SGCE: variants seen among roughly 807,000 people sequenced by gnomAD.
SGCE encodes sarcoglycan epsilon.
In SGCE, 26 loss-of-function variants were observed where a neutral mutation model predicts 57.8. The observed-to-expected ratio is 0.45, with a 90% CI of 0.33 to 0.62. The LOEUF is 0.62. Ranked by LOEUF, SGCE falls within the 20% of genes least tolerant of loss-of-function variation. The pLI, the probability that SGCE is intolerant of heterozygous loss-of-function variation, is 0.02. For missense variants in SGCE, 468 were observed against 548.6 expected (o/e 0.85, Z 1.47); for synonymous variants, 183 against 189.5 (o/e 0.97, Z 0.28).
chr7:94,648,304 G>A (rs952016864), intron 1 of SGCE, among the ~76,000 whole-genome samples: 4 of 147,742 alleles, frequency 2.7e-5, no homozygotes, highest in Non-Finnish European at 4.4e-5. Flanking sequence ...GAACCCGGGA[G>A]GCGGAGGTTG....
chr7:94,634,717 CTT>C (rs1362729868), intron 1 of SGCE, among the ~76,000 whole-genome samples: 1 of 152,162 alleles, frequency 6.6e-6, no homozygotes, highest in East Asian at 1.9e-4. Flanking sequence ...CCGAAAGACT[CTT>C]TTGTGGCGTA....
At chr7:94,588,094 T>C in intron 10 of SGCE, 2 of 1,209,416 alleles carry the variant, frequency 1.7e-6, no homozygotes, top group Admixed American at 4.2e-5. Context: ...AGTATAGAGA[T>C]GAATGAAATA....
chr7:94,613,989 A>T (rs965580268), intron 5 of SGCE, among the ~76,000 whole-genome samples: 2 of 152,004 alleles, frequency 1.3e-5, no homozygotes, highest in African/African-American at 4.8e-5. Context: ...AATAAAATAA[A>T]CAAGTGAAAA....
intron 1 of SGCE, among the ~76,000 whole-genome samples, chr7:94,644,202 C>T (rs555399178): frequency 6.4e-4 from 98 of 152,360 alleles, no homozygotes; most frequent in African/African-American, 2.3e-3. Context: ...ATTTAATCAT[C>T]TTTTCAATGT....
chr7:94,589,047 G>A, intron 9 of SGCE: 1 of 376,492 alleles, frequency 2.7e-6, no homozygotes, highest in Non-Finnish European at 5.0e-6. Flanking sequence ...GGAGATCCAG[G>A]GCCACATAGC....
rs188825655 is a variant in SGCE at position 94,611,295 on chromosome 7, T to C, written c.662+7463A>G. Reference sequence around the variant, plus strand: ...AACAAAAGATGGCATATCCATAAAATAGAATATTATTCCATGATTAAAAAT... The same window carrying C: ...AACAAAAGATGGCATATCCATAAAACAGAATATTATTCCATGATTAAAAAT... On this transcript the variant is annotated intron_variant, in intron 5 of 10. Coordinates refer to ENST00000648936, the MANE Select transcript of SGCE (RefSeq NM_003919.3). Among the ~76,000 whole-genome samples, 69 of 152,280 alleles carry C rather than the reference T, an allele frequency of 4.5e-4. 1 individual carries two copies. In the East Asian group the frequency reaches 4.8e-3, roughly 11 times the overall value.
At chr7:94,607,595 T>G (rs1800353008) in intron 5 of SGCE, among the ~76,000 whole-genome samples, 1 of 151,904 alleles carries the variant, frequency 6.6e-6, no homozygotes, top group Non-Finnish European at 1.5e-5. Context: ...CAAAATCCAA[T>G]GGCAATTTGT....
chr7:94,622,761 C>A (rs1398444720), intron 4 of SGCE: 1 of 152,056 alleles, frequency 6.6e-6, no homozygotes, highest in Non-Finnish European at 1.5e-5. Context: ...AAATCACTTA[C>A]AATTTGAGCA....
rs530294438 is a variant in SGCE at position 94,651,667 on chromosome 7, A to C, written c.109+4323T>G. Reference sequence around the variant, plus strand: ...GTACACAGAACAAAGACTAGAAGGGATACAACATCAATGGAAATGGTTGTT... The same window carrying C: ...GTACACAGAACAAAGACTAGAAGGGCTACAACATCAATGGAAATGGTTGTT... On this transcript the variant is annotated intron_variant, in intron 1 of 10. Coordinates refer to ENST00000648936, the MANE Select transcript of SGCE (RefSeq NM_003919.3). Among the ~76,000 whole-genome samples, 5 of 152,364 alleles carry C rather than the reference A, an allele frequency of 3.3e-5. No individual in the cohort carries two copies. In the South Asian group the frequency reaches 1.0e-3, roughly 32 times the overall value.
intron 9 of SGCE, among the ~76,000 whole-genome samples, chr7:94,595,692 G>C (rs2116639641): frequency 6.6e-6 from 1 of 152,144 alleles, no homozygotes; most frequent in Non-Finnish European, 1.5e-5. Flanking sequence ...TTAAAACATA[G>C]CTGTTTTTCT....
Position 94,603,281 on chromosome 7 carries a change from A to G in SGCE, c.825+9T>C. 1 of 1,608,616 alleles carries G rather than the reference A, an allele frequency of 6.2e-7. No homozygotes were observed. The highest frequency in any genetic ancestry group is 2.2e-5 in the East Asian group (1 of 44,726). On this transcript the variant is annotated intron_variant, in intron 6 of 10. Transcript: ENST00000648936. Reference sequence around the variant, plus strand: ...TAACTAAACTTGCAAAAACAAAATAAAAACTTACCAATGAAATTTTGCACC... The same window carrying G: ...TAACTAAACTTGCAAAAACAAAATAGAAACTTACCAATGAAATTTTGCACC...
intron 10 of SGCE, chr7:94,586,995 A>T (rs1162844377): frequency 1.0e-6 from 1 of 984,212 alleles, no homozygotes; most frequent in African/African-American, 1.7e-5. Flanking sequence ...TTGCAGAAAA[A>T]TGTAAGAAAA....
At position 94,585,405 on chromosome 7, in the gene SGCE, GA is replaced by G; in HGVS notation, c.*93del. 8.9e-7 allele frequency: 1 copy of G among 1,119,744 alleles called. No homozygotes were observed. The allele number at this position is 1,119,744 out of a possible 1,614,324, so 69.4% of individuals were successfully genotyped here. A position where few individuals can be genotyped will look rare whatever the true frequency, so the allele number is the denominator to read the frequency against. The stretch of plus-strand genomic sequence containing the variant: ...CTGCCAACATGCATAACATATGCCA[GA>G]AAAGCTCATGCATTATTGGAAGAGA... On this transcript the variant is annotated 3_prime_UTR_variant, in exon 11 of 11. Coordinates refer to ENST00000648936, the MANE Select transcript of SGCE (RefSeq NM_003919.3).
intron 5 of SGCE, among the ~76,000 whole-genome samples, chr7:94,610,546 A>G (rs1271225436): frequency 6.6e-6 from 1 of 152,206 alleles, no homozygotes; most frequent in Non-Finnish European, 1.5e-5. Context: ...TAAGAGCTAA[A>G]ACTATTAAAC....
chr7:94,591,879 T>C (rs1006009364), intron 9 of SGCE, among the ~76,000 whole-genome samples: 7 of 152,186 alleles, frequency 4.6e-5, no homozygotes, highest in Admixed American at 1.3e-4. Context: ...GTGTCTTATA[T>C]TGATTTAGAG....
At chr7:94,589,460 C>G (rs570136578) in intron 9 of SGCE, 1 of 152,680 alleles carries the variant, frequency 6.5e-6, no homozygotes, top group African/African-American at 2.4e-5. Flanking sequence ...ATAATCCACT[C>G]TGCACATTGC....
intron 6 of SGCE, among the ~76,000 whole-genome samples, chr7:94,602,669 AAT>A (rs1425806409): frequency 6.6e-6 from 1 of 152,114 alleles, no homozygotes; most frequent in Non-Finnish European, 1.5e-5. Context: ...TATAATATAA[AAT>A]ATGCAAACAT....
At chr7:94,630,776 G>T (rs1268670245) in intron 1 of SGCE, among the ~76,000 whole-genome samples, 4 of 151,804 alleles carry the variant, frequency 2.6e-5, no homozygotes, top group Non-Finnish European at 4.4e-5. Context: ...ACCCTATCAG[G>T]CCAGTTCTTT....
intron 3 of SGCE, chr7:94,626,555 T>A (rs553454906): frequency 1.3e-5 from 2 of 152,178 alleles, no homozygotes; most frequent in East Asian, 3.9e-4. Flanking sequence ...TGTAGAAATA[T>A]AACAGTAATT....
Sources: gnomAD v4.1 joint callset for allele counts (sites outside exome capture counted in the v4.1 genomes callset) on GRCh38, gnomAD v4.1.1 for gene constraint, MANE v1.5 for transcripts, NCBI Gene and HGNC (gene_info 2026-07-23, HGNC 2026-07-21) for gene names.